DAB1: variants seen among roughly 807,000 people sequenced by gnomAD.
DAB1 encodes DAB adaptor protein 1.
A neutral mutation model predicts 64.6 loss-of-function variants in DAB1; 15 were observed. That is an observed-to-expected ratio of 0.23 (90% CI 0.16 to 0.36). The LOEUF (loss-of-function observed/expected upper bound fraction) is 0.36. Ranked by LOEUF, DAB1 falls within the 10% of genes least tolerant of loss-of-function variation. The pLI, the probability that DAB1 is intolerant of heterozygous loss-of-function variation, is 1.00. For missense variants in DAB1, 596 were observed against 706.7 expected (o/e 0.84, Z 1.78); for synonymous variants, 235 against 251.9 (o/e 0.93, Z 0.64).
intron 5 of DAB1, among the ~76,000 whole-genome samples, chr1:57,990,532 C>T (rs1646317747): frequency 6.6e-6 from 1 of 152,228 alleles, no homozygotes; most frequent in African/African-American, 2.4e-5. Flanking sequence ...AATCCACCCA[C>T]TGAAAGGCAC....
At chr1:58,215,181 C>T (rs536464683) in intron 4 of DAB1, among the ~76,000 whole-genome samples, 80 of 152,244 alleles carry the variant, frequency 5.3e-4, no homozygotes, top group African/African-American at 1.7e-3. Context: ...CAATCTTCTA[C>T]GTGTCCCTTG....
chr1:57,866,281 T>C (rs929812837), intron 1 of DAB1: 2 of 152,308 alleles, frequency 1.3e-5, no homozygotes, highest in South Asian at 2.1e-4. Context: ...CTGTTGTTAC[T>C]GTTACCGCTC....
chr1:57,311,954 C>T (rs1408307245), intron 1 of DAB1, among the ~76,000 whole-genome samples: 2 of 152,178 alleles, frequency 1.3e-5, no homozygotes, highest in Non-Finnish European at 2.9e-5. Context: ...CTCCCTGAAC[C>T]TAAATTTCTC....
Position 57,444,932 on chromosome 1 carries a change from G to T in DAB1, n.626-153766C>A, listed in dbSNP as rs1490539677. Among the ~76,000 whole-genome samples, 5 of 152,156 alleles carry T rather than the reference G, an allele frequency of 3.3e-5. No individual in the cohort carries two copies. In the South Asian group the frequency reaches 1.0e-3, roughly 32 times the overall value. On this transcript the variant is annotated intron_variant and non_coding_transcript_variant, in intron 7 of 20. Transcript: ENST00000485760. Reference sequence around the variant, plus strand: ...ATACTGTCATCTATATATTCCTAGGGCTGGTCAGTTAATATGTTGAATGAA... The same window carrying T: ...ATACTGTCATCTATATATTCCTAGGTCTGGTCAGTTAATATGTTGAATGAA...
intron 2 of DAB1, among the ~76,000 whole-genome samples, chr1:57,210,393 C>G (rs1225110234): frequency 6.6e-6 from 1 of 152,150 alleles, no homozygotes; most frequent in African/African-American, 2.4e-5. Context: ...TGATGAAACT[C>G]AAAAATAATG....
At chr1:58,264,870 A>G (rs1281438240) in intron 4 of DAB1, among the ~76,000 whole-genome samples, 1 of 152,216 alleles carries the variant, frequency 6.6e-6, no homozygotes, top group Non-Finnish European at 1.5e-5. Flanking sequence ...ATGGTCAGTT[A>G]GCTGTATCTC....
At chr1:58,432,854 G>A (rs568342998) in intron 3 of DAB1, among the ~76,000 whole-genome samples, 1 of 152,296 alleles carries the variant, frequency 6.6e-6, no homozygotes, top group South Asian at 2.1e-4. Flanking sequence ...TTCTTTCAGG[G>A]CTCCATGGCT....
chr1:57,343,826 GGCCTTGGCCAGCCCA>G (rs1677865937), intron 1 of DAB1, among the ~76,000 whole-genome samples: 2 of 152,232 alleles, frequency 1.3e-5, no homozygotes, highest in Non-Finnish European at 2.9e-5. Context: ...AGCTGGCTCT[GGCCTTGGCCAGCCCA>G]GAAAGCGGCT....
chr1:57,561,223 G>A (rs558673471), intron 7 of DAB1, among the ~76,000 whole-genome samples: 1 of 152,160 alleles, frequency 6.6e-6, no homozygotes, highest in Admixed American at 6.5e-5. Context: ...CTGTTTCACA[G>A]GTGGTTCTTA....
intron 9 of DAB1, among the ~76,000 whole-genome samples, chr1:57,057,018 A>T (rs1399266256): frequency 1.3e-5 from 2 of 152,148 alleles, no homozygotes; most frequent in Non-Finnish European, 2.9e-5. Flanking sequence ...GAAGAAAAGG[A>T]TGAACAGAGG....
chr1:57,536,007 A>C (rs1159252721), intron 7 of DAB1, among the ~76,000 whole-genome samples: 1 of 152,192 alleles, frequency 6.6e-6, no homozygotes, highest in Non-Finnish European at 1.5e-5. Flanking sequence ...CATGGCTTGG[A>C]AACCTGTAGC....
At chr1:57,381,109 T>C (rs759143286) in intron 1 of DAB1, among the ~76,000 whole-genome samples, 1 of 152,166 alleles carries the variant, frequency 6.6e-6, no homozygotes, top group African/African-American at 2.4e-5. Flanking sequence ...CGTTTCTACA[T>C]GGCAGGCTAA....
At chr1:58,281,119 A>T (rs1661553163) in intron 4 of DAB1, among the ~76,000 whole-genome samples, 1 of 152,208 alleles carries the variant, frequency 6.6e-6, no homozygotes, top group South Asian at 2.1e-4. Context: ...TCAAGCACGA[A>T]GGACAGTAAT....
chr1:57,184,889 C>T (rs1663367832), intron 2 of DAB1, among the ~76,000 whole-genome samples: 1 of 152,178 alleles, frequency 6.6e-6, no homozygotes, highest in Non-Finnish European at 1.5e-5. Flanking sequence ...ACCCACTGAA[C>T]TCCAGGAGTG....
At chr1:57,982,439 C>T (rs909748678) in intron 5 of DAB1, among the ~76,000 whole-genome samples, 1 of 152,154 alleles carries the variant, frequency 6.6e-6, no homozygotes, top group Admixed American at 6.5e-5. Flanking sequence ...AAATTCAAAT[C>T]CCACCTCTGT....
intron 5 of DAB1, among the ~76,000 whole-genome samples, chr1:58,012,690 C>T (rs12028704): frequency 0.19 from 28,927 of 152,050 alleles, 3,249 homozygotes; most frequent in East Asian, 0.34. Context: ...CATGAGAATA[C>T]GAGAAGATAA....
intron 4 of DAB1, among the ~76,000 whole-genome samples, chr1:57,097,109 T>C (rs879570170): frequency 1.1e-4 from 16 of 152,162 alleles, no homozygotes; most frequent in Admixed American, 4.6e-4. Context: ...TTGTTGAATA[T>C]ATAGGCAGAT....
rs34780141 is a variant in DAB1 at position 58,177,724 on chromosome 1, G to GA, written n.310-27137dup. On this transcript the variant is annotated intron_variant and non_coding_transcript_variant, in intron 4 of 20. Coordinates refer to the DAB1 transcript ENST00000485760. ...ACATTCTCATCTCATTCCCGAGAATGAAAAAAAAAAAATGGCCTGCTCAGG... is the reference window on the plus strand; with the variant it reads ...ACATTCTCATCTCATTCCCGAGAATGAAAAAAAAAAAAATGGCCTGCTCAGG... Among the ~76,000 whole-genome samples, 525 of 142,650 alleles carry GA rather than the reference G, an allele frequency of 3.7e-3. 3 individuals are homozygous for GA. Among genetic ancestry groups the GA allele is most frequent in the Non-Finnish European group, 5.9e-3 (385 of 64,978 alleles). 93.6% of individuals were successfully genotyped at this position (142,650 alleles called of 152,430 possible). A position where few individuals can be genotyped will look rare whatever the true frequency, so the allele number is the denominator to read the frequency against.
chr1:58,163,174 G>T (rs1194185324), intron 4 of DAB1, among the ~76,000 whole-genome samples: 1 of 152,186 alleles, frequency 6.6e-6, no homozygotes, highest in Admixed American at 6.5e-5. Context: ...TACTGGCAGA[G>T]CCTAAGAGGG....
Sources: allele counts gnomAD v4.1 joint callset (sites outside exome capture counted in the v4.1 genomes callset), GRCh38; gene constraint gnomAD v4.1.1; transcripts MANE v1.5; gene names NCBI Gene and HGNC (gene_info 2026-07-23, HGNC 2026-07-21).